LAMA2: variants seen among roughly 807,000 people sequenced by gnomAD.
LAMA2 encodes the protein laminin subunit alpha 2.
LAMA2 carries 269 observed loss-of-function variants against 364.8 expected under a neutral mutation model. The observed-to-expected ratio is 0.74, with a 90% CI of 0.67 to 0.82. The LOEUF is 0.82. Among genes scored for constraint, LAMA2 ranks in the 40% least tolerant of loss-of-function variants. The pLI, the probability that LAMA2 is intolerant of heterozygous loss-of-function variation, is 0.00. For synonymous variants in LAMA2, 1,379 were observed against 1,370.6 expected, an observed-to-expected ratio of 1.01 and a Z score of -0.14; for missense variants, 3,807 against 3,873.2, an observed-to-expected ratio of 0.98 and a Z score of 0.45.
intron 30 of LAMA2, among the ~76,000 whole-genome samples, chr6:129,348,234 G>A (rs1223439020): frequency 2.0e-5 from 3 of 152,202 alleles, no homozygotes; most frequent in East Asian, 1.9e-4. Flanking sequence ...AAAAGTTAGA[G>A]CTTATTACTC....
At chr6:129,161,208 G>T (rs776384297) in intron 8 of LAMA2, among the ~76,000 whole-genome samples, 3 of 151,872 alleles carry the variant, frequency 2.0e-5, no homozygotes, top group Non-Finnish European at 4.4e-5. Context: ...CATTGCCACA[G>T]CAGTTTTCAT....
chr6:129,490,126 T>C (rs1421899178), intron 56 of LAMA2, among the ~76,000 whole-genome samples: 1 of 152,248 alleles, frequency 6.6e-6, no homozygotes, highest in Non-Finnish European at 1.5e-5. Context: ...AGATTTGATG[T>C]TCCTAAAAGG....
At chr6:128,965,476 T>G (rs1031066156) in intron 1 of LAMA2, among the ~76,000 whole-genome samples, 3 of 152,088 alleles carry the variant, frequency 2.0e-5, no homozygotes, top group African/African-American at 7.2e-5. Flanking sequence ...ACTATCTTAT[T>G]TAATTATTCT....
intron 14 of LAMA2, among the ~76,000 whole-genome samples, chr6:129,252,608 G>A (rs988017869): frequency 1.3e-5 from 2 of 152,134 alleles, no homozygotes; most frequent in African/African-American, 4.8e-5. Flanking sequence ...ATGGCTCATA[G>A]CGTGGGAAGC....
chr6:129,511,804 G>A (rs934636900), intron 62 of LAMA2, among the ~76,000 whole-genome samples: 2 of 151,778 alleles, frequency 1.3e-5, no homozygotes, highest in Non-Finnish European at 2.9e-5. Flanking sequence ...GTCTATTTAT[G>A]TCCCAGAAGC....
intron 12 of LAMA2, among the ~76,000 whole-genome samples, chr6:129,200,538 G>A (rs1206242614): frequency 1.3e-5 from 2 of 149,118 alleles, no homozygotes; most frequent in African/African-American, 5.1e-5. Context: ...ATATATGTGA[G>A]TGTGTGTATA....
At chr6:129,279,857 A>G (rs567362141) in intron 17 of LAMA2, among the ~76,000 whole-genome samples, 4 of 152,252 alleles carry the variant, frequency 2.6e-5, no homozygotes, top group African/African-American at 9.6e-5. Flanking sequence ...ACTGCTCTCC[A>G]CTGGGCTATA....
intron 9 of LAMA2, among the ~76,000 whole-genome samples, chr6:129,174,379 T>C (rs1176508924): frequency 6.6e-6 from 1 of 152,124 alleles, no homozygotes; most frequent in Non-Finnish European, 1.5e-5. Flanking sequence ...ATATTTATTT[T>C]ATTTTCGGAA....
intron 15 of LAMA2, among the ~76,000 whole-genome samples, chr6:129,264,920 A>T (rs1388675669): frequency 1.3e-5 from 2 of 152,176 alleles, no homozygotes; most frequent in East Asian, 3.9e-4. Flanking sequence ...AATACTTGTT[A>T]AGAGTAGTGT....
chr6:129,048,493 T>C (rs4897293), intron 1 of LAMA2, among the ~76,000 whole-genome samples: 5,747 of 48,444 alleles, frequency 0.12, 148 homozygotes, highest in Non-Finnish European at 0.15. Flanking sequence ...TCTTTCTTTC[T>C]TTCCTTCCTT....
intron 1 of LAMA2, among the ~76,000 whole-genome samples, chr6:128,904,816 C>T (rs1170167774): frequency 6.6e-6 from 1 of 152,072 alleles, no homozygotes; most frequent in Non-Finnish European, 1.5e-5. Context: ...TAACATGAAA[C>T]ATGTTCTGCA....
chr6:129,297,960 G>T (rs1773298797), intron 21 of LAMA2, 95 bp downstream of exon 21: 1 of 1,019,260 alleles, frequency 9.8e-7, no homozygotes, highest in African/African-American at 1.6e-5. Context: ...AGCACAGATT[G>T]ATACAACGTA....
intron 28 of LAMA2, among the ~76,000 whole-genome samples, chr6:129,323,631 G>A (rs1775096905): frequency 6.6e-6 from 1 of 152,112 alleles, no homozygotes; most frequent in Non-Finnish European, 1.5e-5. Flanking sequence ...TATTTAACCT[G>A]TCTTTGAGTG....
intron 32 of LAMA2, among the ~76,000 whole-genome samples, chr6:129,361,193 A>G (rs73776969): frequency 0.015 from 2,235 of 152,300 alleles, 45 homozygotes; most frequent in African/African-American, 0.051. Context: ...CCCAAAATAC[A>G]TCTTCACTAG....
chr6:129,177,072 C>T (rs1304757237), intron 9 of LAMA2, among the ~76,000 whole-genome samples: 2 of 151,898 alleles, frequency 1.3e-5, no homozygotes, highest in African/African-American at 4.8e-5. Flanking sequence ...TGTATTATTT[C>T]TATTTTTTAA....
chr6:128,984,782 C>T (rs143216277), intron 1 of LAMA2, among the ~76,000 whole-genome samples: 10 of 152,160 alleles, frequency 6.6e-5, no homozygotes, highest in Admixed American at 2.0e-4. Flanking sequence ...AATTTTACTC[C>T]GTCCTCAGTT....
intron 4 of LAMA2, among the ~76,000 whole-genome samples, chr6:129,103,504 C>T (rs1213354149): frequency 6.6e-6 from 1 of 152,122 alleles, no homozygotes; most frequent in Non-Finnish European, 1.5e-5. Context: ...CATTTTTTCT[C>T]TTCTGGGATC....
chr6:129,336,331 T>TA (rs1775955489), intron 29 of LAMA2, among the ~76,000 whole-genome samples: 2 of 152,170 alleles, frequency 1.3e-5, no homozygotes, highest in African/African-American at 4.8e-5. Flanking sequence ...AAATAACACA[T>TA]ATCAAACTAA....
At chr6:129,020,654 G>C (rs902345987) in intron 1 of LAMA2, among the ~76,000 whole-genome samples, 1 of 152,126 alleles carries the variant, frequency 6.6e-6, no homozygotes, top group Non-Finnish European at 1.5e-5. Flanking sequence ...GTGGTGTCCC[G>C]GGAGTTTCCT....
Sources: gnomAD v4.1 joint callset for allele counts (sites outside exome capture counted in the v4.1 genomes callset) on GRCh38, gnomAD v4.1.1 for gene constraint, MANE v1.5 for transcripts, NCBI Gene and HGNC (gene_info 2026-07-23, HGNC 2026-07-21) for gene names.